FANCC: variants seen among roughly 807,000 people sequenced by gnomAD.
The protein encoded by FANCC is Fanconi anemia group C protein.
Under a neutral mutation model 71.3 loss-of-function variants are expected in FANCC, and 55 were observed. The ratio of observed to expected loss-of-function variants is 0.77; its 90% confidence interval spans 0.62 to 0.97. The LOEUF (loss-of-function observed/expected upper bound fraction) is 0.97. Among genes scored for constraint, FANCC ranks in the 50% least tolerant of loss-of-function variants. The pLI, the probability that FANCC is intolerant of heterozygous loss-of-function variation, is 0.00. For missense variants in FANCC, 678 were observed against 670.9 expected (o/e 1.01, Z -0.12); for synonymous variants, 275 against 244.9 (o/e 1.12, Z -1.15).
chr9:95,131,576 C>G (rs1474821143), intron 8 of FANCC, among the ~76,000 whole-genome samples: 1 of 152,190 alleles, frequency 6.6e-6, no homozygotes, highest in East Asian at 1.9e-4. Flanking sequence ...GTCCAAGATG[C>G]AGAACCTCCC....
chr9:95,186,948 C>G (rs1273979994), intron 4 of FANCC, among the ~76,000 whole-genome samples: 2 of 152,092 alleles, frequency 1.3e-5, no homozygotes, highest in African/African-American at 2.4e-5. Context: ...TGCGCCACCA[C>G]GCCTGGCTAA....
chr9:95,178,872 A>T (rs1201851581), intron 4 of FANCC, among the ~76,000 whole-genome samples: 1 of 152,164 alleles, frequency 6.6e-6, no homozygotes, highest in Non-Finnish European at 1.5e-5. Flanking sequence ...TGGTGTACAA[A>T]TGACTGAATT....
chr9:95,202,756 TTTC>T (rs1340091469), intron 4 of FANCC, among the ~76,000 whole-genome samples: 1 of 152,174 alleles, frequency 6.6e-6, no homozygotes, highest in East Asian at 1.9e-4. Context: ...TTACATTCTT[TTTC>T]TTCTTCATCC....
intron 1 of FANCC, among the ~76,000 whole-genome samples, chr9:95,256,626 C>T (rs1251256000): frequency 6.6e-6 from 1 of 152,180 alleles, no homozygotes; most frequent in Non-Finnish European, 1.5e-5. Context: ...GAAACTCCAT[C>T]AACTAATGGG....
chr9:95,275,081 A>C (rs1347314017), intron 1 of FANCC, among the ~76,000 whole-genome samples: 2 of 150,068 alleles, frequency 1.3e-5, no homozygotes, highest in Non-Finnish European at 3.0e-5. Flanking sequence ...ACACCAGCCT[A>C]GGCAACATAC....
intron 1 of FANCC, among the ~76,000 whole-genome samples, chr9:95,287,801 G>C (rs188966688): frequency 5.2e-4 from 79 of 152,272 alleles, no homozygotes; most frequent in Admixed American, 1.6e-3. Context: ...AAAAAGGCAG[G>C]CATGTTCTAG....
intron 1 of FANCC, among the ~76,000 whole-genome samples, chr9:95,310,477 T>C (rs544610506): frequency 6.6e-6 from 1 of 152,260 alleles, no homozygotes; most frequent in South Asian, 2.1e-4. Context: ...TCCCTCATGA[T>C]AGCAAAACAG....
intron 4 of FANCC, among the ~76,000 whole-genome samples, chr9:95,236,613 T>C (rs1312111634): frequency 2.0e-5 from 3 of 152,208 alleles, no homozygotes; most frequent in Non-Finnish European, 4.4e-5. Flanking sequence ...ACTCAGTCTA[T>C]CATTTTCAAA....
At chr9:95,239,639 T>C (rs933314524) in intron 4 of FANCC, among the ~76,000 whole-genome samples, 20 of 152,238 alleles carry the variant, frequency 1.3e-4, no homozygotes, top group African/African-American at 4.6e-4. Flanking sequence ...TATCTGTTCC[T>C]TTCTTCAGTT....
At chr9:95,123,064 G>C (rs1308304065) in intron 10 of FANCC, among the ~76,000 whole-genome samples, 1 of 152,202 alleles carries the variant, frequency 6.6e-6, no homozygotes, top group Admixed American at 6.5e-5. Flanking sequence ...CACCTTGGGA[G>C]GGCAAGGTGG....
chr9:95,215,856 T>A (rs4647457), intron 4 of FANCC, among the ~76,000 whole-genome samples: 5,797 of 152,280 alleles, frequency 0.038, 158 homozygotes, highest in Non-Finnish European at 0.06. Flanking sequence ...AGCATTCAAG[T>A]CTTCCCAGTG....
At chr9:95,259,873 G>C (rs1831912408) in intron 1 of FANCC, among the ~76,000 whole-genome samples, 1 of 152,128 alleles carries the variant, frequency 6.6e-6, no homozygotes, top group Non-Finnish European at 1.5e-5. Flanking sequence ...TCAAAAAGTG[G>C]GCAAAGGATA....
At chr9:95,128,963 G>A (rs1275201192) in intron 8 of FANCC, among the ~76,000 whole-genome samples, 1 of 151,084 alleles carries the variant, frequency 6.6e-6, no homozygotes, top group Non-Finnish European at 1.5e-5. Context: ...GGAGTGCAGT[G>A]GTGATCTTGG....
At chr9:95,121,785 A>G (rs996724100) in intron 10 of FANCC, among the ~76,000 whole-genome samples, 1 of 152,150 alleles carries the variant, frequency 6.6e-6, no homozygotes, top group Non-Finnish European at 1.5e-5. Context: ...TAAACAAAAC[A>G]TTGTTTAGGC....
In FANCC at chr9:95,293,855, T is replaced by C. The variant is rs1398884307; in HGVS notation, c.-79+23671A>G. On this transcript the variant is annotated intron_variant, in intron 1 of 14. Transcript: ENST00000289081. The stretch of plus-strand genomic sequence containing the variant: ...GGATACAAAGTCCAACGGATGACCA[T>C]GTACAGATGGACCAAGCTGGAATGT... 13 of 1,611,054 alleles carry C rather than the reference T, an allele frequency of 8.1e-6. No individual in the cohort carries two copies. The African/African-American group carries it at 1.2e-4, about 15-fold the overall frequency.
chr9:95,147,639 A>C (rs1829744390), intron 7 of FANCC, among the ~76,000 whole-genome samples: 1 of 152,198 alleles, frequency 6.6e-6, no homozygotes, highest in Non-Finnish European at 1.5e-5. Flanking sequence ...AATGTGAGGA[A>C]AGTTATTTTT....
chr9:95,197,722 G>GC (rs1295758348), intron 4 of FANCC, among the ~76,000 whole-genome samples: 1 of 152,152 alleles, frequency 6.6e-6, no homozygotes, highest in East Asian at 1.9e-4. Flanking sequence ...CCTGAGGAAG[G>GC]CCAGTGGTGC....
chr9:95,307,536 T>C (rs760935956), intron 1 of FANCC, among the ~76,000 whole-genome samples: 28 of 152,250 alleles, frequency 1.8e-4, no homozygotes, highest in Non-Finnish European at 3.7e-4. Context: ...AAATTTGTTC[T>C]GATCTGTCCA....
intron 4 of FANCC, among the ~76,000 whole-genome samples, chr9:95,175,171 C>T (rs1318559293): frequency 3.3e-5 from 5 of 152,156 alleles, no homozygotes; most frequent in African/African-American, 1.2e-4. Flanking sequence ...CCAGGCAACA[C>T]TCCTAAGTCA....
Sources: allele counts gnomAD v4.1 joint callset (sites outside exome capture counted in the v4.1 genomes callset), GRCh38; gene constraint gnomAD v4.1.1; transcripts MANE v1.5; gene names NCBI Gene and HGNC (gene_info 2026-07-23, HGNC 2026-07-21).